KAZN: variants seen among roughly 807,000 people sequenced by gnomAD.
KAZN encodes the protein kazrin, periplakin interacting protein.
In KAZN, 40 loss-of-function variants were observed where a neutral mutation model predicts 87.4. The ratio of observed to expected loss-of-function variants is 0.46; its 90% CI spans 0.36 to 0.60. The LOEUF (loss-of-function observed/expected upper bound fraction) is 0.60. Ranked by LOEUF, KAZN falls within the 20% of genes least tolerant of loss-of-function variation. The pLI, the probability that KAZN is intolerant of heterozygous loss-of-function variation, is 0.00. For synonymous variants in KAZN, 466 were observed against 458.3 expected (o/e 1.02, Z -0.22); for missense variants, 898 against 1,073.9 (o/e 0.84, Z 2.29).
chr1:14,673,636 C>T (rs1012943996), intron 1 of KAZN, among the ~76,000 whole-genome samples: 2 of 152,172 alleles, frequency 1.3e-5, no homozygotes, highest in Non-Finnish European at 1.5e-5. Context: ...ATCCATTGTG[C>T]TGCCTCAAGG....
chr1:14,264,638 T>A (rs751841120), intron 2 of KAZN, among the ~76,000 whole-genome samples: 1 of 152,212 alleles, frequency 6.6e-6, no homozygotes, highest in African/African-American at 2.4e-5. Context: ...AAGATGCTGG[T>A]ACCTTGTTAC....
intron 1 of KAZN, among the ~76,000 whole-genome samples, chr1:14,619,055 G>C (rs1678482783): frequency 6.6e-6 from 1 of 152,162 alleles, no homozygotes; most frequent in African/African-American, 2.4e-5. Context: ...ATCTGGGTGG[G>C]ATGGGAGAAT....
At chr1:14,703,769 A>G (rs1642056035) in intron 1 of KAZN, among the ~76,000 whole-genome samples, 1 of 152,128 alleles carries the variant, frequency 6.6e-6, no homozygotes, top group African/African-American at 2.4e-5. Context: ...AGTCCCAGCT[A>G]CTCAGGAGGC....
At chr1:14,387,045 C>T (rs1039423221) in intron 2 of KAZN, among the ~76,000 whole-genome samples, 8 of 152,144 alleles carry the variant, frequency 5.3e-5, no homozygotes, top group African/African-American at 1.9e-4. Context: ...CTTCCCTTCT[C>T]GCTTCATTTC....
At chr1:14,640,028 G>A (rs1347935018) in intron 1 of KAZN, among the ~76,000 whole-genome samples, 3 of 152,186 alleles carry the variant, frequency 2.0e-5, no homozygotes, top group Non-Finnish European at 4.4e-5. Flanking sequence ...AGGACCATGG[G>A]CACAGCTTGG....
chr1:14,737,914 C>G (rs926777301), intron 1 of KAZN, among the ~76,000 whole-genome samples: 1 of 152,208 alleles, frequency 6.6e-6, no homozygotes. Context: ...GTCAGGCCCA[C>G]CTGGATGCTT....
intron 2 of KAZN, among the ~76,000 whole-genome samples, chr1:14,588,990 G>T (rs776013895): frequency 1.3e-5 from 2 of 152,162 alleles, no homozygotes; most frequent in African/African-American, 4.8e-5. Context: ...CCATGGGCAC[G>T]GATGCAGAAC....
At chr1:14,007,237 A>G (rs1233199563) in intron 1 of KAZN, among the ~76,000 whole-genome samples, 1 of 152,106 alleles carries the variant, frequency 6.6e-6, no homozygotes. Context: ...TTTCGTATAT[A>G]TGTAGTCTTT....
intron 2 of KAZN, among the ~76,000 whole-genome samples, chr1:14,382,689 G>T (rs1215853861): frequency 6.8e-6 from 1 of 146,878 alleles, no homozygotes; most frequent in Non-Finnish European, 1.5e-5. Flanking sequence ...TGGTGTATAT[G>T]TGCCACATTT....
At chr1:14,741,633 G>A (rs1482028862) in intron 1 of KAZN, among the ~76,000 whole-genome samples, 1 of 152,150 alleles carries the variant, frequency 6.6e-6, no homozygotes, top group East Asian at 1.9e-4. Flanking sequence ...TGAGCTACTT[G>A]CTGAACTGAA....
intron 4 of KAZN, among the ~76,000 whole-genome samples, chr1:15,052,076 G>A (rs1674463738): frequency 6.6e-6 from 1 of 152,180 alleles, no homozygotes; most frequent in African/African-American, 2.4e-5. Context: ...TGCATTTAGT[G>A]GAAGAGATTA....
Position 14,900,647 on chromosome 1 carries a change from G to A in KAZN, c.227-60037G>A, listed in dbSNP as rs563806586. ...CAGGCACCTGTAGTCCCAACTACTC[G>A]GGAGGCTGAGGCAGGAGAATGGCAA... is the stretch of plus-strand genomic sequence containing the variant. On this transcript the variant is annotated intron_variant, in intron 1 of 14. Coordinates refer to ENST00000376030, the MANE Select transcript of KAZN (RefSeq NM_201628.3). Among the ~76,000 whole-genome samples the A allele has an allele frequency of 3.9e-5, 6 of 152,010 alleles. No homozygotes were observed. The South Asian group carries it at 6.3e-4, about 16-fold the overall frequency.
At chr1:14,939,198 C>G (rs1660785980) in intron 1 of KAZN, among the ~76,000 whole-genome samples, 1 of 152,126 alleles carries the variant, frequency 6.6e-6, no homozygotes, top group African/African-American at 2.4e-5. Flanking sequence ...TCTTGAACAC[C>G]TGACCTCAGG....
At chr1:14,721,746 T>C (rs1455379704) in intron 1 of KAZN, among the ~76,000 whole-genome samples, 5 of 152,226 alleles carry the variant, frequency 3.3e-5, no homozygotes, top group African/African-American at 4.8e-5. Flanking sequence ...TAGTGCAGCA[T>C]TGTTTATTGT....
chr1:14,929,817 G>A (rs1298674927), intron 1 of KAZN: 1 of 985,356 alleles, frequency 1.0e-6, no homozygotes, highest in Non-Finnish European at 1.2e-6. Flanking sequence ...GGAAGGTCAG[G>A]CTTGCCTCCT....
At chr1:13,897,170 G>A (rs1639076457) in intron 1 of KAZN, among the ~76,000 whole-genome samples, 1 of 152,014 alleles carries the variant, frequency 6.6e-6, no homozygotes, top group Non-Finnish European at 1.5e-5. Context: ...TGTACATTTT[G>A]TCTGCGGCTG....
At chr1:14,436,614 A>C (rs1335677019) in intron 2 of KAZN, among the ~76,000 whole-genome samples, 2 of 151,652 alleles carry the variant, frequency 1.3e-5, no homozygotes, top group Non-Finnish European at 2.9e-5. Context: ...GCTACTTGAG[A>C]AGCTGAGGCA....
intron 1 of KAZN, among the ~76,000 whole-genome samples, chr1:13,924,283 T>TA (rs1224040837): frequency 6.6e-6 from 1 of 152,210 alleles, no homozygotes; most frequent in Non-Finnish European, 1.5e-5. Context: ...AAACTGTAAT[T>TA]AAAAAATTTT....
At chr1:14,333,788 C>T (rs1657019914) in intron 2 of KAZN, among the ~76,000 whole-genome samples, 1 of 151,944 alleles carries the variant, frequency 6.6e-6, no homozygotes, top group African/African-American at 2.4e-5. Flanking sequence ...GGGATTTGAA[C>T]AGAGATTTGA....
Sources: gnomAD v4.1 joint callset for allele counts (sites outside exome capture counted in the v4.1 genomes callset) on GRCh38, gnomAD v4.1.1 for gene constraint, MANE v1.5 for transcripts, NCBI Gene and HGNC (gene_info 2026-07-23, HGNC 2026-07-21) for gene names.